Variants in NEK3 observed in about 807,000 individuals in gnomAD.
The protein encoded by NEK3 is NIMA related kinase 3, also known as serine/threonine-protein kinase Nek3.
Under a neutral mutation model 66.0 loss-of-function variants are expected in NEK3, and 54 were observed. That is an observed-to-expected ratio of 0.82 (90% CI 0.66 to 1.03). NEK3 has a LOEUF of 1.03. Among genes scored for constraint, NEK3 ranks in the 50% least tolerant of loss-of-function variants. NEK3 has a pLI of 0.00. For synonymous variants in NEK3, 200 were observed against 206.2 expected (o/e 0.97, Z 0.26); for missense variants, 593 against 603.0 (o/e 0.98, Z 0.17).
chr13:52,154,570 A>C (rs1235013258), intron 2 of NEK3, among the ~76,000 whole-genome samples: 1 of 151,904 alleles, frequency 6.6e-6, no homozygotes, highest in Admixed American at 6.6e-5. Flanking sequence ...AAAGGGAGTG[A>C]GGGATTTCAT....
intron 14 of NEK3, among the ~76,000 whole-genome samples, chr13:52,135,065 C>A (rs2138187920): frequency 6.6e-6 from 1 of 152,216 alleles, no homozygotes; most frequent in Admixed American, 6.5e-5. Context: ...CTTAACCTAG[C>A]AAGATGGCTT....
intron 10 of NEK3, among the ~76,000 whole-genome samples, chr13:52,141,363 T>C (rs1403475565): frequency 6.6e-6 from 1 of 152,260 alleles, no homozygotes; most frequent in African/African-American, 2.4e-5. Flanking sequence ...TAACATACTC[T>C]GCATACTTAA....
At chr13:52,135,914 C>T in intron 13 of NEK3, 51 bp from the exon 14 acceptor site, 1 of 1,581,520 alleles carries the variant, frequency 6.3e-7, no homozygotes, top group Non-Finnish European at 8.6e-7. Flanking sequence ...GATTTTTCAG[C>T]ATGTACTTTC....
chr13:52,134,704 C>T (rs1365075034), intron 14 of NEK3, among the ~76,000 whole-genome samples: 2 of 152,214 alleles, frequency 1.3e-5, no homozygotes, highest in Non-Finnish European at 2.9e-5. Context: ...GGACCAGACA[C>T]AAAATCCAGG....
intron 10 of NEK3, 55 bp from the exon 11 acceptor site, chr13:52,141,124 T>G: frequency 6.7e-7 from 1 of 1,482,668 alleles, no homozygotes; most frequent in Non-Finnish European, 9.2e-7. Flanking sequence ...GATCATCCTA[T>G]TAAGTTCCTA....
Position 52,156,181 on chromosome 13 carries a change from T to C in NEK3, c.11A>G (p.Tyr4Cys), listed in dbSNP as rs377089430. Residue 4 changes from tyrosine to cysteine, a missense_variant, in exon 2 of 16, where the codon TAC becomes TGC. By Grantham distance (194) the Tyr-to-Cys change is radical. Coordinates refer to ENST00000610828, the MANE Select transcript of NEK3 (RefSeq NM_002498.3). MDD[Y>C]MVLRMIGEGS... ...CTCCCCAATCATTCTCAGGACCATGTAGTCATCCATGCTGGGGCATCCACA... is the reference window on the plus strand; with the variant it reads ...CTCCCCAATCATTCTCAGGACCATGCAGTCATCCATGCTGGGGCATCCACA... 3 of 1,593,630 alleles carry C rather than the reference T, an allele frequency of 1.9e-6. No individual in the cohort carries two copies. Among genetic ancestry groups the C allele is most frequent in the African/African-American group, 1.3e-5 (1 of 74,692 alleles).
chr13:52,144,555 T>C lies in NEK3; in HGVS notation c.804+136A>G, dbSNP rs886263917. 4.2e-6 allele frequency: 3 copies of C among 721,462 alleles called. No individual in the cohort carries two copies. In the African/African-American group the frequency reaches 5.4e-5, roughly 13 times the overall value. 44.7% of individuals were successfully genotyped at this position (721,462 alleles called of 1,614,324 possible). On this transcript the variant is annotated intron_variant, in intron 9 of 15. Coordinates refer to ENST00000610828, the MANE Select transcript of NEK3 (RefSeq NM_002498.3). ...CGGGAAGAGGAAGGAAACGAAGTTT[T>C]AACTTTTTATTTTTTAATATACTTC...
At chr13:52,153,429 T>C (rs1956363625) in intron 4 of NEK3, among the ~76,000 whole-genome samples, 1 of 152,126 alleles carries the variant, frequency 6.6e-6, no homozygotes, top group Admixed American at 6.6e-5. Context: ...TAGTATGCAA[T>C]TTTCCACTAA....
chr13:52,141,179 T>G, intron 10 of NEK3, 110 bp from the exon 11 acceptor site: 1 of 900,554 alleles, frequency 1.1e-6, no homozygotes, highest in South Asian at 1.9e-5. Context: ...GTTATTAAAG[T>G]CAAAGAGCCA....
At chr13:52,149,246 C>T (rs933981789) in intron 7 of NEK3, among the ~76,000 whole-genome samples, 4 of 151,518 alleles carry the variant, frequency 2.6e-5, no homozygotes, top group East Asian at 3.9e-4. Context: ...GTTGCCTAGG[C>T]TGGAGTGCAG....
intron 1 of NEK3, chr13:52,157,124 T>C (rs1385969946): frequency 1.3e-5 from 2 of 152,308 alleles, no homozygotes; most frequent in African/African-American, 2.4e-5. Flanking sequence ...GAAAGAAGAA[T>C]GTAACAAGCT....
At chr13:52,153,573 C>A (rs887987443) in intron 4 of NEK3, among the ~76,000 whole-genome samples, 1 of 152,022 alleles carries the variant, frequency 6.6e-6, no homozygotes, top group Non-Finnish European at 1.5e-5. Flanking sequence ...ATAAAATAGA[C>A]CTCTCTTCTA....
chr13:52,140,553 A>G (rs1377720327), intron 11 of NEK3, among the ~76,000 whole-genome samples: 7 of 152,006 alleles, frequency 4.6e-5, no homozygotes, highest in African/African-American at 1.7e-4. Flanking sequence ...GCTTGCAGTG[A>G]GCCAAGATGG....
rs371353371 is a variant in NEK3, at chr13:52,141,684, T to A, written c.878-615A>T. The stretch of plus-strand genomic sequence containing the variant: ...TCCCTGCCCTGTTCCATTTCATTAT[T>A]CTGGTCTGTCTACAGATTAAACTGG... On this transcript the variant is annotated intron_variant, in intron 10 of 15. Transcript: ENST00000610828. Among the ~76,000 whole-genome samples the A allele has an allele frequency of 2.6e-5, 4 of 152,308 alleles. 1 individual carries two copies. The East Asian group carries it at 5.8e-4, about 22-fold the overall frequency.
chr13:52,153,815 CTTTTA>C (rs1956367276), intron 4 of NEK3, 75 bp downstream of exon 4: 5 of 942,572 alleles, frequency 5.3e-6, no homozygotes, highest in African/African-American at 1.6e-5. Context: ...GATATCAATG[CTTTTA>C]TTTTAACTTA....
At chr13:52,137,764 G>A (rs1566850748) in intron 11 of NEK3, among the ~76,000 whole-genome samples, 1 of 152,164 alleles carries the variant, frequency 6.6e-6, no homozygotes, top group Non-Finnish European at 1.5e-5. Context: ...TGTGTCTGCA[G>A]CAGCCTCCCA....
intron 5 of NEK3, 30 bp from the exon 6 acceptor site, chr13:52,151,422 G>A (rs1460350819): frequency 1.9e-6 from 3 of 1,539,472 alleles, no homozygotes; most frequent in Non-Finnish European, 2.6e-6. Flanking sequence ...CTCAGATTAT[G>A]TCTTCTATCA....
intron 1 of NEK3, 79 bp from the exon 2 acceptor site, chr13:52,156,327 CCAT>C: frequency 5.0e-6 from 3 of 603,220 alleles, no homozygotes; most frequent in Non-Finnish European, 8.9e-6. Flanking sequence ...GCTCTCATAA[CCAT>C]GATAAGAGAA....
intron 13 of NEK3, 54 bp from the exon 14 acceptor site, chr13:52,135,917 G>C: frequency 6.3e-7 from 1 of 1,577,026 alleles, no homozygotes; most frequent in Non-Finnish European, 8.6e-7. Context: ...TTTTCAGCAT[G>C]TACTTTCCAG....
Sources: allele counts gnomAD v4.1 joint callset (sites outside exome capture counted in the v4.1 genomes callset), GRCh38; gene constraint gnomAD v4.1.1; transcripts MANE v1.5; gene names NCBI Gene and HGNC (gene_info 2026-07-23, HGNC 2026-07-21).